The following SYN3 variants were observed in gnomAD, a reference collection of about 807,000 sequenced individuals.
SYN3 encodes synapsin III, also known as synapsin-3.
A neutral mutation model predicts 65.8 loss-of-function variants in SYN3; 35 were observed. The observed-to-expected ratio is 0.53, with a 90% CI of 0.41 to 0.70. The LOEUF is 0.70. Ranked by LOEUF, SYN3 falls within the 30% of genes least tolerant of loss-of-function variation. The pLI is 0.00. For missense variants in SYN3, 680 were observed against 749.0 expected, an observed-to-expected ratio of 0.91 and a Z score of 1.08; for synonymous variants, 270 against 292.9, an observed-to-expected ratio of 0.92 and a Z score of 0.80.
intron 6 of SYN3, among the ~76,000 whole-genome samples, chr22:32,781,167 C>G (rs2046054008): frequency 6.6e-6 from 1 of 151,380 alleles, no homozygotes; most frequent in Non-Finnish European, 1.5e-5. Flanking sequence ...CTGGAACTAC[C>G]AAGACCTGCA....
intron 6 of SYN3, among the ~76,000 whole-genome samples, chr22:32,810,884 G>C (rs2046898767): frequency 6.6e-6 from 1 of 152,156 alleles, no homozygotes; most frequent in Non-Finnish European, 1.5e-5. Flanking sequence ...TAAGCTCCCT[G>C]CCTTTTCGAT....
chr22:32,869,604 T>C (rs1001526227), intron 4 of SYN3, among the ~76,000 whole-genome samples: 7 of 151,252 alleles, frequency 4.6e-5, no homozygotes, highest in African/African-American at 1.7e-4. Flanking sequence ...AAAGATACGC[T>C]GCAGAGAGGC....
chr22:32,710,270 C>T (rs1410645764), intron 6 of SYN3, among the ~76,000 whole-genome samples: 2 of 151,358 alleles, frequency 1.3e-5, no homozygotes, highest in Non-Finnish European at 1.5e-5. Flanking sequence ...GAGGTGGTTC[C>T]TCATGGTTTA....
At chr22:32,531,148 CAAAAAAAAAAAAAA>C (rs59432094) in intron 10 of SYN3, among the ~76,000 whole-genome samples, 3 of 26,116 alleles carry the variant, frequency 1.1e-4, no homozygotes, top group Admixed American at 6.1e-4. Flanking sequence ...GACCCCGTCT[CAAAAAAAAAAAAAA>C]AAAAAAAAAA....
chr22:32,575,258 A>T (rs915739086), intron 7 of SYN3, among the ~76,000 whole-genome samples: 2 of 152,248 alleles, frequency 1.3e-5, no homozygotes, highest in Non-Finnish European at 2.9e-5. Context: ...TTGAGGAAGC[A>T]TTGGGTGGAA....
intron 6 of SYN3, among the ~76,000 whole-genome samples, chr22:32,596,997 C>A (rs1220121190): frequency 6.6e-6 from 1 of 152,136 alleles, no homozygotes; most frequent in Non-Finnish European, 1.5e-5. Flanking sequence ...GTGGGACAAA[C>A]CAACTGGTTT....
intron 1 of SYN3, among the ~76,000 whole-genome samples, chr22:33,057,295 G>A (rs950624398): frequency 2.0e-5 from 3 of 152,106 alleles, no homozygotes; most frequent in Non-Finnish European, 4.4e-5. Context: ...GCACTTTAAG[G>A]TCTGTGCAGG....
At chr22:33,002,368 G>A (rs1285390595) in intron 2 of SYN3, among the ~76,000 whole-genome samples, 1 of 152,184 alleles carries the variant, frequency 6.6e-6, no homozygotes, top group African/African-American at 2.4e-5. Context: ...ATAGCACCAG[G>A]TGCGGTGGCT....
intron 6 of SYN3, among the ~76,000 whole-genome samples, chr22:32,727,449 A>T (rs776653666): frequency 6.6e-6 from 1 of 152,244 alleles, no homozygotes; most frequent in Non-Finnish European, 1.5e-5. Context: ...TGCTACTGTG[A>T]ATAGTGCTGC....
At chr22:32,658,346 G>A (rs920401531) in intron 6 of SYN3, among the ~76,000 whole-genome samples, 3 of 152,222 alleles carry the variant, frequency 2.0e-5, no homozygotes, top group African/African-American at 4.8e-5. Context: ...CCGCTTTCGG[G>A]TGGATGGGTG....
At chr22:32,571,623 C>A (rs2058759897) in intron 7 of SYN3, among the ~76,000 whole-genome samples, 1 of 152,158 alleles carries the variant, frequency 6.6e-6, no homozygotes, top group African/African-American at 2.4e-5. Context: ...CTCCCAAAGT[C>A]ATAATTAAAA....
intron 6 of SYN3, among the ~76,000 whole-genome samples, chr22:32,633,409 G>C (rs566994327): frequency 6.6e-6 from 1 of 152,194 alleles, no homozygotes; most frequent in African/African-American, 2.4e-5. Flanking sequence ...ATGTTCCACT[G>C]TCTCCCCCTG....
intron 6 of SYN3, among the ~76,000 whole-genome samples, chr22:32,671,043 A>G (rs2060354197): frequency 6.6e-6 from 1 of 152,212 alleles, no homozygotes; most frequent in Non-Finnish European, 1.5e-5. Flanking sequence ...CCATAAGGCT[A>G]TTTGGCACAT....
chr22:32,792,001 A>G (rs2046333525), intron 6 of SYN3, among the ~76,000 whole-genome samples: 1 of 152,114 alleles, frequency 6.6e-6, no homozygotes. Flanking sequence ...AGGCTACTTG[A>G]GGGCAGGGGC....
At chr22:32,585,254 C>G (rs2059006469) in intron 7 of SYN3, among the ~76,000 whole-genome samples, 1 of 152,070 alleles carries the variant, frequency 6.6e-6, no homozygotes, top group Admixed American at 6.6e-5. Context: ...AAGCAGAGGC[C>G]CAGGGAAGTT....
chr22:32,637,914 C>T (rs1017651082), intron 6 of SYN3, among the ~76,000 whole-genome samples: 1 of 152,190 alleles, frequency 6.6e-6, no homozygotes, highest in Non-Finnish European at 1.5e-5. Flanking sequence ...GCTAGGATTA[C>T]AGGCATGAGC....
At position 32,864,957 on chromosome 22, in the gene SYN3, G is replaced by A; in HGVS notation, c.669C>T (p.Phe223=). Residue 223 remains phenylalanine, a synonymous_variant, in exon 6 of 14, where the codon TTC becomes TTT. Coordinates refer to ENST00000358763, the MANE Select transcript of SYN3 (RefSeq NM_003490.4). Reference sequence around the variant, plus strand: ...GGAAAAATGTTTGCTCCACAAGCGGGAACTTCTCAGGACCCAGGGAATGGA... The same window carrying A: ...GGAAAAATGTTTGCTCCACAAGCGGAAACTTCTCAGGACCCAGGGAATGGA... ...KIFHSLGPEK[F]PLVEQTFFPN... 1 of 1,614,134 alleles carries A rather than the reference G, an allele frequency of 6.2e-7. No individual in the cohort carries two copies. The highest frequency in any genetic ancestry group is 8.5e-7 in the Non-Finnish European group (1 of 1,179,992).
At chr22:32,918,758 G>A (rs1473221372) in intron 4 of SYN3, among the ~76,000 whole-genome samples, 1 of 152,174 alleles carries the variant, frequency 6.6e-6, no homozygotes, top group Non-Finnish European at 1.5e-5. Context: ...AGCAAGCGCC[G>A]AGCTAGTAAC....
intron 3 of SYN3, among the ~76,000 whole-genome samples, chr22:32,966,312 C>T (rs1179127005): frequency 6.6e-6 from 1 of 152,002 alleles, no homozygotes; most frequent in Non-Finnish European, 1.5e-5. Flanking sequence ...AAAGGATGTC[C>T]CAGGAGGAGA....
Sources: allele counts gnomAD v4.1 joint callset (sites outside exome capture counted in the v4.1 genomes callset), GRCh38; gene constraint gnomAD v4.1.1; transcripts MANE v1.5; gene names NCBI Gene and HGNC (gene_info 2026-07-23, HGNC 2026-07-21).